Variants in RYR3 observed in about 807,000 individuals in gnomAD.
RYR3 encodes ryanodine receptor 3, also known as brain ryanodine receptor-calcium release channel.
A neutral mutation model predicts 584.3 loss-of-function variants in RYR3; 207 were observed. The ratio of observed to expected loss-of-function variants is 0.35; its 90% CI spans 0.32 to 0.40. RYR3 has a LOEUF of 0.40. Among genes scored for constraint, RYR3 ranks in the 10% least tolerant of loss-of-function variants. The probability of loss-of-function intolerance (pLI) is 1.00; values close to 1 mark genes in which losing one functional copy is unlikely to be tolerated. For missense variants in RYR3, 5,616 were observed against 6,089.2 expected (o/e 0.92, Z 2.59); for synonymous variants, 2,416 against 2,248.5 (o/e 1.07, Z -2.11).
intron 52 of RYR3, among the ~76,000 whole-genome samples, chr15:33,744,997 T>C (rs2070541974): frequency 6.6e-6 from 1 of 152,160 alleles, no homozygotes; most frequent in Non-Finnish European, 1.5e-5. Context: ...GACTGGAGGC[T>C]GGGAGGCTGC....
intron 38 of RYR3, among the ~76,000 whole-genome samples, chr15:33,694,330 C>A (rs537568376): frequency 3.3e-5 from 5 of 151,748 alleles, no homozygotes; most frequent in Admixed American, 2.0e-4. Context: ...CTGCAAGCTC[C>A]GCCTCCCGGG....
Position 33,857,913 on chromosome 15 carries a change from C to A in RYR3, c.14141C>A (p.Thr4714Lys). 1 of 1,613,808 alleles carries A rather than the reference C, an allele frequency of 6.2e-7. No homozygotes were observed. The highest frequency in any genetic ancestry group is 8.5e-7 in the Non-Finnish European group (1 of 1,180,000). ...GATATGAAGTGCGACGACATGATGACGGTGAGAGCCCACCCACTGCGGGGC... is the reference window on the plus strand; with the variant it reads ...GATATGAAGTGCGACGACATGATGAAGGTGAGAGCCCACCCACTGCGGGGC... ...EPDMKCDDMMTCYLFHMYVGV... is the reference protein window; with the variant it reads ...EPDMKCDDMMKCYLFHMYVGV... Residue 4714 changes from threonine to lysine, a missense_variant and splice_region_variant, in exon 99 of 104, where the codon ACG becomes AAG. By Grantham distance (78) the Thr-to-Lys change is moderately conservative. Transcript: ENST00000634891.
At chr15:33,475,461 C>G (rs1218572034) in intron 2 of RYR3, among the ~76,000 whole-genome samples, 2 of 152,166 alleles carry the variant, frequency 1.3e-5, no homozygotes, top group East Asian at 3.9e-4. Context: ...ACCTAGATCC[C>G]TCACGTGCAC....
intron 24 of RYR3, among the ~76,000 whole-genome samples, chr15:33,633,528 CTT>C (rs2061361437): frequency 6.6e-6 from 1 of 152,206 alleles, no homozygotes; most frequent in African/African-American, 2.4e-5. Flanking sequence ...TGGCACACCT[CTT>C]TCCTTGAGAT....
At chr15:33,810,907 T>C (rs1218872959) in intron 71 of RYR3, 71 bp from the exon 72 acceptor site, 3 of 1,314,052 alleles carry the variant, frequency 2.3e-6, no homozygotes, top group Non-Finnish European at 3.2e-6. Context: ...TGACTCTCCA[T>C]ACATCCCCAT....
chr15:33,442,036 C>G (rs2046269623), intron 1 of RYR3, among the ~76,000 whole-genome samples: 1 of 152,030 alleles, frequency 6.6e-6, no homozygotes, highest in Admixed American at 6.6e-5. Context: ...GGTTATAGTC[C>G]GTTACCTATA....
In RYR3 at chr15:33,548,191, C is replaced by T; in HGVS notation, c.802C>T (p.Pro268Ser). 2 of 1,610,272 alleles carry T rather than the reference C, an allele frequency of 1.2e-6. No individual in the cohort carries two copies. Among genetic ancestry groups the T allele is most frequent in the South Asian group, 2.2e-5 (2 of 90,414 alleles). ...TRARSLWRVE[P>S]LRISWSGSNI... is the part of the protein sequence containing the mutation. ...AGCCAGGTCTCTTTGGAGAGTGGAA[C>T]CCCTTCGGATAAGGTAATGGAAGGC... Residue 268 changes from proline (P) to serine (S), a missense_variant, in exon 9 of 104, where the codon CCC (proline) becomes TCC (serine). Pro to Ser is a moderately conservative substitution (Grantham distance 74, BLOSUM62 -1). Around this residue, in one of 9 missense-constraint regions of RYR3, gnomAD observed 1,284 missense variants for 1,344.6 expected, o/e 0.95. Coordinates refer to ENST00000634891, the MANE Select transcript of RYR3 (RefSeq NM_001036.6).
rs1468259041 is a variant in RYR3 at position 33,390,823 on chromosome 15, A to T, written c.51+79727A>T. 1.3e-5 allele frequency among the ~76,000 whole-genome samples: 2 copies of T among 152,180 alleles called. No individual in the cohort carries two copies. Among genetic ancestry groups the T allele is most frequent in the Non-Finnish European group, 2.9e-5 (2 of 68,028 alleles). On this transcript the variant is annotated intron_variant, in intron 1 of 103. Transcript: ENST00000634891. This position sits in a 1 kb window ranked among gnomAD's most constrained non-coding sequence, Gnocchi z 4.2. ...AATAAAAACCCTGGATGCTGACTCC[A>T]TAATGGGATCCCCAGGCAGAGACAT...
intron 1 of RYR3, among the ~76,000 whole-genome samples, chr15:33,392,296 T>C (rs2042050047): frequency 6.6e-6 from 1 of 151,084 alleles, no homozygotes; most frequent in Admixed American, 6.6e-5. Flanking sequence ...CCTTTCCAAA[T>C]AAACGACTTG....
intron 31 of RYR3, among the ~76,000 whole-genome samples, chr15:33,652,315 T>A (rs1429322505): frequency 6.6e-6 from 1 of 152,150 alleles, no homozygotes; most frequent in Non-Finnish European, 1.5e-5. Flanking sequence ...GAACCCAGAC[T>A]TTTTTTCTGC....
At chr15:33,814,421 A>G (rs1375284785) in intron 74 of RYR3, among the ~76,000 whole-genome samples, 1 of 152,238 alleles carries the variant, frequency 6.6e-6, no homozygotes, top group Non-Finnish European at 1.5e-5. Flanking sequence ...AGACAAGTAT[A>G]CTCTGAAGCT....
intron 65 of RYR3, among the ~76,000 whole-genome samples, chr15:33,783,999 G>A (rs574147352): frequency 1.3e-5 from 2 of 152,304 alleles, no homozygotes; most frequent in East Asian, 3.9e-4. Flanking sequence ...ATCCAAGGAG[G>A]AGAGATTTTT....
At chr15:33,563,253 A>G (rs1003894533) in intron 11 of RYR3, among the ~76,000 whole-genome samples, 4 of 152,248 alleles carry the variant, frequency 2.6e-5, no homozygotes, top group African/African-American at 9.6e-5. Flanking sequence ...GAGGTGATGT[A>G]TTTAATGTAC....
intron 38 of RYR3, among the ~76,000 whole-genome samples, chr15:33,694,426 A>G (rs1324170332): frequency 6.6e-6 from 1 of 151,808 alleles, no homozygotes; most frequent in African/African-American, 2.4e-5. Flanking sequence ...TTGTATTTTT[A>G]GTAGAGACGG....
chr15:33,698,077 G>A, intron 40 of RYR3, 81 bp downstream of exon 40: 1 of 926,686 alleles, frequency 1.1e-6, no homozygotes, highest in South Asian at 1.4e-5. Flanking sequence ...CCACGTGGCT[G>A]GTGTCCCTTG....
At chr15:33,351,995 A>G (rs1428188561) in intron 1 of RYR3, among the ~76,000 whole-genome samples, 1 of 152,188 alleles carries the variant, frequency 6.6e-6, no homozygotes, top group Non-Finnish European at 1.5e-5. Context: ...ACATGATTGT[A>G]TATCTAGAAA....
In RYR3 at chr15:33,522,092, T is replaced by TAAAAA. The variant is rs36044198; in HGVS notation, c.280-8483_280-8479dup. Among the ~76,000 whole-genome samples the TAAAAA allele has an allele frequency of 7.8e-5, 9 of 114,758 alleles. No individual in the cohort carries two copies. In the South Asian group the frequency reaches 2.3e-3, roughly 30 times the overall value. The allele number at this position is 114,758 out of a possible 152,430, so 75.3% of individuals were successfully genotyped here. On this transcript the variant is annotated intron_variant, in intron 3 of 103. Coordinates refer to ENST00000634891, the MANE Select transcript of RYR3 (RefSeq NM_001036.6). ...AATATGGCAAAACCCCATCTCTACTTAAAAAAAAAAAAAAAAAAAAACTAG... is the reference window on the plus strand; with the variant it reads ...AATATGGCAAAACCCCATCTCTACTTAAAAAAAAAAAAAAAAAAAAAAAAAACTAG...
chr15:33,347,635 G>T (rs1972636458), intron 1 of RYR3, among the ~76,000 whole-genome samples: 1 of 152,036 alleles, frequency 6.6e-6, no homozygotes, highest in Non-Finnish European at 1.5e-5. Flanking sequence ...TTTCAGTAGA[G>T]ACGGGGTTTC....
At chr15:33,852,846 C>G (rs578194687) in intron 94 of RYR3, 199 bp from the exon 95 acceptor site, 1 of 516,092 alleles carries the variant, frequency 1.9e-6, no homozygotes, top group African/African-American at 2.0e-5. Flanking sequence ...TTTCAAAAGC[C>G]AATACAAAGT....
Sources: gnomAD v4.1 joint callset for allele counts (sites outside exome capture counted in the v4.1 genomes callset) on GRCh38, gnomAD v4.1.1 for gene constraint, gnomAD v4.1.1 regional missense constraint, Gnocchi (gnomAD v3.1) non-coding constraint, MANE v1.5 for transcripts, NCBI Gene and HGNC (gene_info 2026-07-23, HGNC 2026-07-21) for gene names.